Variants in IL12B observed in about 807,000 individuals in gnomAD.
IL12B encodes the protein interleukin-12 subunit beta.
Under a neutral mutation model 39.2 loss-of-function variants are expected in IL12B, and 27 were observed. The observed-to-expected ratio is 0.69, with a 90% CI of 0.51 to 0.95. The LOEUF is 0.95. Among genes scored for constraint, IL12B ranks in the 40% least tolerant of loss-of-function variants. The pLI is 0.00. For missense variants in IL12B, 351 were observed against 397.6 expected (o/e 0.88, Z 1.00); for synonymous variants, 142 against 152.1 (o/e 0.93, Z 0.49).
At chr5:159,318,654 T>G (rs956595204) in intron 6 of IL12B, 82 bp downstream of exon 6, 3 of 1,230,330 alleles carry the variant, frequency 2.4e-6, no homozygotes, top group African/African-American at 1.5e-5. Context: ...GTCATTGTTA[T>G]TATCATCATT....
At chr5:159,329,078 A>T (rs2113039216) in intron 1 of IL12B, among the ~76,000 whole-genome samples, 1 of 152,210 alleles carries the variant, frequency 6.6e-6, no homozygotes, top group South Asian at 2.1e-4. Context: ...GGACAAAGGG[A>T]CCCCACGTTA....
At chr5:159,323,012 A>G in intron 3 of IL12B, 42 bp downstream of exon 3, 1 of 1,591,904 alleles carries the variant, frequency 6.3e-7, no homozygotes, top group Non-Finnish European at 8.6e-7. Context: ...AACTCTTATG[A>G]GCGAAAGAGA....
chr5:159,326,870 C>G, intron 1 of IL12B, 88 bp from the exon 2 acceptor site: 1 of 867,412 alleles, frequency 1.2e-6, no homozygotes, highest in Non-Finnish European at 2.0e-6. Flanking sequence ...GTCAATAATT[C>G]TTGTTACCTT....
chr5:159,323,010 T>C (rs774119617), intron 3 of IL12B, 44 bp downstream of exon 3: 17 of 1,588,806 alleles, frequency 1.1e-5, no homozygotes, highest in Non-Finnish European at 1.4e-5. Flanking sequence ...TTAACTCTTA[T>C]GAGCGAAAGA....
At chr5:159,325,583 T>C (rs1467090712) in intron 2 of IL12B, 1 of 152,214 alleles carries the variant, frequency 6.6e-6, no homozygotes, top group African/African-American at 2.4e-5. Context: ...TAAAAACGTT[T>C]TCACAAATTT....
chr5:159,323,196 G>T lies in IL12B; in HGVS notation c.222C>A (p.Thr74=). ...CAAACTCTTTGACTTGGATGGTCAG[G>T]GTTTTGCCAGAGCCTAAGACCTCAC... ...QSSEVLGSGK[T]LTIQVKEFGD... The change falls in exon 3 of 8, where the codon ACC becomes ACA. Residue 74 remains threonine (T), a synonymous_variant. Transcript: ENST00000231228. 1 of 1,614,116 alleles carries T rather than the reference G, an allele frequency of 6.2e-7. No homozygotes were observed. The highest frequency in any genetic ancestry group is 8.5e-7 in the Non-Finnish European group (1 of 1,180,024).
At chr5:159,320,731 T>C (rs1754072710) in intron 4 of IL12B, among the ~76,000 whole-genome samples, 1 of 152,216 alleles carries the variant, frequency 6.6e-6, no homozygotes, top group African/African-American at 2.4e-5. Context: ...ACTAAATGAA[T>C]ATGGAAGTTT....
Position 159,326,671 on chromosome 5 carries a change from AGAGAATAATGAGAGGCT to A in IL12B, c.88+7_88+23del. The A allele has an allele frequency of 6.5e-7, 1 of 1,544,600 alleles. No individual in the cohort carries two copies. Among genetic ancestry groups the A allele is most frequent in the Middle Eastern group, 1.7e-4 (1 of 5,948 alleles). On this transcript the variant is annotated splice_region_variant and intron_variant, in intron 2 of 7. Transcript: ENST00000231228. ...CCTGGCTTAGAAGTGGGGCCTCCAC[AGAGAATAATGAGAGGCT>A]GGTTACCATCTTTCTTCAGTTCCCA...
Position 159,316,794 on chromosome 5 carries a change from T to C in IL12B, c.878A>G (p.Lys293Arg). ...REKKDRVFTD[K>R]TSATVICRKN... ...GCGGCAGATGACCGTGGCTGAGGTC[T>C]TGTCCGTGAAGACTCTATCTTTCTG... The change falls in exon 7 of 8, where the codon AAG (lysine) becomes AGG (arginine). Residue 293 changes from lysine (K) to arginine (R), a missense_variant. By Grantham distance (26) the Lys-to-Arg change is conservative. Coordinates refer to ENST00000231228, the MANE Select transcript of IL12B (RefSeq NM_002187.3). 1 of 1,614,106 alleles carries C rather than the reference T, an allele frequency of 6.2e-7. No individual in the cohort carries two copies. The highest frequency in any genetic ancestry group is 2.2e-5 in the East Asian group (1 of 44,884).
chr5:159,316,670 T>G lies in IL12B; in HGVS notation c.*15A>C. On this transcript the variant is annotated intron_variant, in intron 7 of 7. Transcript: ENST00000231228. ...GAGAGTGCAGGCCTGGGCTGGCCTTTGAGGGCCTGCTCACCTAACTGCAGG... is the reference window on the plus strand; with the variant it reads ...GAGAGTGCAGGCCTGGGCTGGCCTTGGAGGGCCTGCTCACCTAACTGCAGG... 8 of 1,609,366 alleles carry G rather than the reference T, an allele frequency of 5.0e-6. No homozygotes were observed. Among genetic ancestry groups the G allele is most frequent in the Non-Finnish European group, 6.8e-6 (8 of 1,177,962 alleles).
rs934238769 is a variant in IL12B at position 159,322,594 on chromosome 5, A to T, written c.365-83T>A. The T allele has an allele frequency of 1.9e-5, 17 of 897,732 alleles. No individual in the cohort carries two copies. The Admixed American group carries it at 3.0e-4, about 16-fold the overall frequency. 55.6% of individuals were successfully genotyped at this position (897,732 alleles called of 1,614,324 possible). ...ATTGTGATGAATCACAGATCACCAG[A>T]TGGTACAGGGTGAAGTTCTTCCATG... is the stretch of plus-strand genomic sequence containing the variant. On this transcript the variant is annotated intron_variant, in intron 3 of 7. Coordinates refer to ENST00000231228, the MANE Select transcript of IL12B (RefSeq NM_002187.3).
chr5:159,315,159 G>A lies in IL12B; in HGVS notation c.*942C>T, dbSNP rs917070852. The A allele has an allele frequency of 1.3e-5, 2 of 152,168 alleles. No individual in the cohort carries two copies. The highest frequency in any genetic ancestry group is 4.8e-5 in the African/African-American group (2 of 41,372). The allele number at this position is 152,168 out of a possible 1,614,324, so 9.4% of individuals were successfully genotyped here. On this transcript the variant is annotated 3_prime_UTR_variant, in exon 8 of 8. Transcript: ENST00000231228. ...GTGTCTTTTAGAGAGGTGGGGGTGAGGACTGCCATGGAAGCTAAAGCTGAA... is the reference window on the plus strand; with the variant it reads ...GTGTCTTTTAGAGAGGTGGGGGTGAAGACTGCCATGGAAGCTAAAGCTGAA...
At chr5:159,323,814 G>C (rs187901187) in intron 2 of IL12B, among the ~76,000 whole-genome samples, 11 of 151,680 alleles carry the variant, frequency 7.3e-5, no homozygotes, top group African/African-American at 2.7e-4. Context: ...TTTGGAACAA[G>C]GTATTTCATT....
rs918269319 is a variant in IL12B, at chr5:159,314,833, T to A, written c.*1268A>T. 4 of 152,192 alleles carry A rather than the reference T, an allele frequency of 2.6e-5. No homozygotes were observed. Among genetic ancestry groups the A allele is most frequent in the African/African-American group, 7.2e-5 (3 of 41,404 alleles). The allele number at this position is 152,192 out of a possible 1,614,324, so 9.4% of individuals were successfully genotyped here. On this transcript the variant is annotated 3_prime_UTR_variant, in exon 8 of 8. Coordinates refer to ENST00000231228, the MANE Select transcript of IL12B (RefSeq NM_002187.3). ...TTCAGCCTCAGAATGCAAAAATAAA[T>A]AAATAAATAAACAAACAGGAAACAA...
At position 159,322,501 on chromosome 5, in the gene IL12B, A is replaced by C; in HGVS notation, c.375T>G (p.Asn125Lys). The C allele has an allele frequency of 6.2e-7, 1 of 1,611,270 alleles. No homozygotes were observed. Among genetic ancestry groups the C allele is most frequent in the African/African-American group, 1.3e-5 (1 of 74,976 alleles). The change falls in exon 4 of 8, where the codon AAT becomes AAG. Residue 125 changes from asparagine to lysine, a missense_variant. By Grantham distance (94) the Asn-to-Lys change is moderately conservative. Transcript: ENST00000231228. ...TGGCCTCGCATCTTAGAAAGGTCTT[A>C]TTTTTGGGTTCTGGATTTGAAAAAA... ...DILKDQKEPK[N>K]KTFLRCEAKN...
At chr5:159,324,205 A>G (rs535430273) in intron 2 of IL12B, among the ~76,000 whole-genome samples, 40 of 152,232 alleles carry the variant, frequency 2.6e-4, no homozygotes, top group African/African-American at 9.4e-4. Context: ...CCAACGATCT[A>G]AGCATGGTCA....
chr5:159,329,255 T>C (rs1754239766), intron 1 of IL12B, among the ~76,000 whole-genome samples: 1 of 152,194 alleles, frequency 6.6e-6, no homozygotes, highest in South Asian at 2.1e-4. Flanking sequence ...ACAGATGGCA[T>C]GGGTGGCACA....
intron 2 of IL12B, among the ~76,000 whole-genome samples, chr5:159,324,871 G>A (rs975027362): frequency 8.5e-5 from 13 of 152,170 alleles, no homozygotes; most frequent in Admixed American, 3.3e-4. Context: ...GGATTATAAG[G>A]ACTGAATGGA....
In IL12B at chr5:159,322,642, TA is replaced by T. The variant is rs1292687015; in HGVS notation, c.365-132del. The T allele has an allele frequency of 7.0e-6, 5 of 717,534 alleles. No homozygotes were observed. In the East Asian group the frequency reaches 1.3e-4, roughly 19 times the overall value. 44.4% of individuals were successfully genotyped at this position (717,534 alleles called of 1,614,324 possible). On this transcript the variant is annotated intron_variant, in intron 3 of 7. Transcript: ENST00000231228. ...ATGCGTTGCCTCTTGGGTAGCTCCATAAGGATTGGGAGTATCCCAGTGGGGT... is the reference window on the plus strand; with the variant it reads ...ATGCGTTGCCTCTTGGGTAGCTCCATAGGATTGGGAGTATCCCAGTGGGGT...
Sources: gnomAD v4.1 joint callset for allele counts (sites outside exome capture counted in the v4.1 genomes callset) on GRCh38, gnomAD v4.1.1 for gene constraint, MANE v1.5 for transcripts, NCBI Gene and HGNC (gene_info 2026-07-23, HGNC 2026-07-21) for gene names.